SCNN1B: variants seen among roughly 807,000 people sequenced by gnomAD.
The protein encoded by SCNN1B is epithelial sodium channel subunit beta.
Under a neutral mutation model 65.3 loss-of-function variants are expected in SCNN1B, and 46 were observed. That is an observed-to-expected ratio of 0.70 (90% confidence interval 0.56 to 0.90). The LOEUF (loss-of-function observed/expected upper bound fraction) is 0.90, where lower values mean the gene tolerates loss of function less well. SCNN1B is among the 40% of genes least tolerant of loss of function. The pLI is 0.00. For synonymous variants in SCNN1B, 349 were observed against 330.6 expected (o/e 1.06, Z -0.60); for missense variants, 751 against 830.5 (o/e 0.90, Z 1.18).
At chr16:23,375,529 C>G (rs761894151) in intron 7 of SCNN1B, among the ~76,000 whole-genome samples, 26 of 152,158 alleles carry the variant, frequency 1.7e-4, no homozygotes, top group Non-Finnish European at 3.4e-4. Flanking sequence ...GTCCAGAGAC[C>G]TGCTGGGAAG....
Position 23,330,326 on chromosome 16 carries a change from A to G in SCNN1B, c.-8-18266A>G, listed in dbSNP as rs193170079. Among the ~76,000 whole-genome samples the G allele has an allele frequency of 2.2e-3, 332 of 152,342 alleles. 2 individuals carry two copies. Among genetic ancestry groups the G allele is most frequent in the Non-Finnish European group, 3.3e-3 (226 of 68,028 alleles). ...ATGGTTAGGAAGAAAAGCAGGCACA[A>G]GCAGCTGTTCTGAGGCTATAGCGGT... On this transcript the variant is annotated intron_variant, in intron 1 of 12. Coordinates refer to ENST00000343070, the MANE Select transcript of SCNN1B (RefSeq NM_000336.3).
chr16:23,316,653 CCATCACCATCCTCACCAT>C (rs2141990461), intron 1 of SCNN1B, among the ~76,000 whole-genome samples: 1 of 151,130 alleles, frequency 6.6e-6, no homozygotes, highest in Non-Finnish European at 1.5e-5. Context: ...TCTGTCATCA[CCATCACCATCCTCACCAT>C]CATCACCATC....
At chr16:23,300,993 C>CGTGTGTGTGTGTGTGTGTGTGTGTGTGT (rs60930177), upstream of SCNN1B, among the ~76,000 whole-genome samples, 1 of 148,366 alleles carries the variant, frequency 6.7e-6, no homozygotes, top group African/African-American at 2.5e-5. Context: ...GTTAAAAACA[C>CGTGTGTGTGTGTGTGTGTGTGTGTGTGT]GTGTGTGTGT....
At chr16:23,321,901 T>G (rs973066035) in intron 1 of SCNN1B, among the ~76,000 whole-genome samples, 3 of 152,050 alleles carry the variant, frequency 2.0e-5, no homozygotes, top group Non-Finnish European at 2.9e-5. Context: ...GGTGTGCACC[T>G]ATAGTCCCAG....
chr16:23,365,549 G>C (rs1962637246), intron 4 of SCNN1B, among the ~76,000 whole-genome samples: 1 of 99,370 alleles, frequency 1.0e-5, no homozygotes, highest in East Asian at 2.9e-4. Context: ...GAAAGAGAAA[G>C]AAGGAAAGAG....
rs1963034037 is a variant in SCNN1B at position 23,380,762 on chromosome 16, G to T, written c.1884G>T (p.Leu628=). 2 of 1,612,440 alleles carry T rather than the reference G, an allele frequency of 1.2e-6. No homozygotes were observed. Among genetic ancestry groups the T allele is most frequent in the African/African-American group, 2.7e-5 (2 of 74,882 alleles). Residue 628 remains leucine, a synonymous_variant, in exon 13 of 13, where the codon CTG becomes CTT. Transcript: ENST00000343070. The surrounding 1 kb of genome is among the most constrained non-coding windows in gnomAD (Gnocchi z 5.4). ...PNYDSLRLQP[L]DVIESDSEGD... is the part of the protein sequence containing the mutation. ...ATGACTCCCTGCGTCTGCAGCCGCT[G>T]GACGTCATCGAGTCTGACAGTGAGG...
intron 4 of SCNN1B, among the ~76,000 whole-genome samples, chr16:23,359,556 C>T (rs1267366280): frequency 6.6e-6 from 1 of 152,178 alleles, no homozygotes; most frequent in Non-Finnish European, 1.5e-5. Flanking sequence ...GGGAATGTGC[C>T]TCTCTGCTCT....
intron 4 of SCNN1B, chr16:23,358,099 C>T (rs939500635): frequency 3.9e-5 from 6 of 152,382 alleles, no homozygotes; most frequent in South Asian, 2.1e-4. Flanking sequence ...AGCCCAGCCC[C>T]GAAAGCTGTG....
chr16:23,377,443 G>A lies in SCNN1B; in HGVS notation c.1404+57G>A, dbSNP rs1423540416. On this transcript the variant is annotated intron_variant, in intron 10 of 12. Coordinates refer to ENST00000343070, the MANE Select transcript of SCNN1B (RefSeq NM_000336.3). The stretch of plus-strand genomic sequence containing the variant: ...CCACCTTTGGCTGGGGACAAGTCTG[G>A]GCATAAGATGTGGGCTATTTGGAAA... 16 of 1,561,772 alleles carry A rather than the reference G, an allele frequency of 1.0e-5. No homozygotes were observed. The East Asian group carries it at 3.4e-4, about 33-fold the overall frequency.
chr16:23,356,822 G>C (rs1383891606), intron 4 of SCNN1B, among the ~76,000 whole-genome samples: 1 of 151,942 alleles, frequency 6.6e-6, no homozygotes, highest in Non-Finnish European at 1.5e-5. Context: ...ACCAACCCTG[G>C]GCCTAAGCAT....
chr16:23,316,897 C>G (rs1289647260), intron 1 of SCNN1B, among the ~76,000 whole-genome samples: 1 of 152,130 alleles, frequency 6.6e-6, no homozygotes, highest in Non-Finnish European at 1.5e-5. Context: ...CCATCACCCT[C>G]ACCATCACCT....
intron 1 of SCNN1B, among the ~76,000 whole-genome samples, chr16:23,327,908 T>A (rs2141998914): frequency 6.6e-6 from 1 of 152,332 alleles, no homozygotes; most frequent in African/African-American, 2.4e-5. Flanking sequence ...GACCACATCT[T>A]CTGTCTTAGA....
intron 1 of SCNN1B, among the ~76,000 whole-genome samples, chr16:23,325,646 A>G (rs17841810): frequency 0.33 from 50,233 of 151,658 alleles, 9,940 homozygotes; most frequent in African/African-American, 0.56. Flanking sequence ...GCAAGTTGAA[A>G]TGCGCATCCG....
intron 4 of SCNN1B, among the ~76,000 whole-genome samples, chr16:23,358,735 C>G (rs1017984651): frequency 6.6e-6 from 1 of 152,148 alleles, no homozygotes; most frequent in Non-Finnish European, 1.5e-5. Flanking sequence ...GGCAAAACCC[C>G]ATCTCTACTA....
At chr16:23,374,284 A>C (rs1962845006) in intron 7 of SCNN1B, among the ~76,000 whole-genome samples, 1 of 145,768 alleles carries the variant, frequency 6.9e-6, no homozygotes, top group African/African-American at 2.5e-5. Flanking sequence ...AAAAAAAAAA[A>C]AAAAAGAGGC....
chr16:23,348,895 A>G lies in SCNN1B; in HGVS notation c.296A>G (p.Asn99Ser), dbSNP rs1215427557. ...GACTTCCCTGCCGTCACCATCTGCA[A>G]TGCTAGCCCCTTCAAGTAGGTGGCC... ...TMDFPAVTIC[N>S]ASPFKYSKIK... The change falls in exon 2 of 13, where the codon AAT (asparagine) becomes AGT (serine). Residue 99 changes from asparagine to serine, a missense_variant. By Grantham distance (46) the Asn-to-Ser change is conservative. Transcript: ENST00000343070. This position sits in a 1 kb window ranked among gnomAD's most constrained non-coding sequence, Gnocchi z 4.5. 3.1e-6 allele frequency: 5 copies of G among 1,614,098 alleles called. No homozygotes were observed. Among genetic ancestry groups the G allele is most frequent in the Admixed American group, 1.7e-5 (1 of 60,014 alleles).
At chr16:23,341,909 ACAGTCTTGCAGTT>A (rs1331870666) in intron 1 of SCNN1B, among the ~76,000 whole-genome samples, 15 of 152,322 alleles carry the variant, frequency 9.8e-5, no homozygotes, top group African/African-American at 3.4e-4. Context: ...ATTTTGGAAA[ACAGTCTTGCAGTT>A]CCTCAAAAGG....
intron 2 of SCNN1B, among the ~76,000 whole-genome samples, chr16:23,297,006 AAGAG>A (rs746891770): frequency 0.073 from 10,685 of 147,154 alleles, 364 homozygotes; most frequent in East Asian, 0.25. Context: ...AAAAAAAAAA[AAGAG>A]AGAGAGAGAG....
intron 1 of SCNN1B, among the ~76,000 whole-genome samples, chr16:23,319,551 G>T (rs1412598237): frequency 2.0e-5 from 3 of 152,178 alleles, no homozygotes. Context: ...AGTGAAGTGT[G>T]GTTGAAACAT....
Sources: allele counts gnomAD v4.1 joint callset (sites outside exome capture counted in the v4.1 genomes callset), GRCh38; gene constraint gnomAD v4.1.1; non-coding constraint Gnocchi (gnomAD v3.1); transcripts MANE v1.5; gene names NCBI Gene and HGNC (gene_info 2026-07-23, HGNC 2026-07-21).